RXFP1: variants seen among roughly 807,000 people sequenced by gnomAD.
The protein encoded by RXFP1 is relaxin family peptide receptor 1.
RXFP1 carries 73 observed loss-of-function variants against 89.8 expected under a neutral mutation model. That is an observed-to-expected ratio of 0.81 (90% confidence interval 0.67 to 0.99). The LOEUF (loss-of-function observed/expected upper bound fraction) is 0.99. RXFP1 is among the 50% of genes least tolerant of loss of function. The pLI is 0.00. For missense variants in RXFP1, 793 were observed against 895.5 expected, an observed-to-expected ratio of 0.89 and a Z score of 1.46; for synonymous variants, 277 against 305.5, an observed-to-expected ratio of 0.91 and a Z score of 0.97.
Position 158,647,150 on chromosome 4 carries a change from G to A in RXFP1, c.1705G>A (p.Glu569Lys). ...TNGVCFPLHS[E>K]DTESIGAQIY... ...TGGAGTATGCTTCCCTCTTCATTCAGAAGATACAGAAAGTATTGGAGCCCA... is the reference window on the plus strand; with the variant it reads ...TGGAGTATGCTTCCCTCTTCATTCAAAAGATACAGAAAGTATTGGAGCCCA... The change falls in exon 16 of 18, where the codon GAA (glutamate) becomes AAA (lysine). Residue 569 changes from glutamate (E) to lysine (K), a missense_variant. Physicochemically the swap from Glu to Lys is moderately conservative, Grantham distance 56. Transcript: ENST00000307765. 1 of 1,611,556 alleles carries A rather than the reference G, an allele frequency of 6.2e-7. No homozygotes were observed. Among genetic ancestry groups the A allele is most frequent in the Non-Finnish European group, 8.5e-7 (1 of 1,179,138 alleles).
rs186963412 is a variant in RXFP1 at position 158,590,235 on chromosome 4, G to A, written c.188-3166G>A. On this transcript the variant is annotated intron_variant, in intron 2 of 17. Transcript: ENST00000307765. Reference sequence around the variant, plus strand: ...GGCTGGAGTGCAGTGTGCAATCTCGGCTCACTGCAACCTCTGCCCCACAAG... The same window carrying A: ...GGCTGGAGTGCAGTGTGCAATCTCGACTCACTGCAACCTCTGCCCCACAAG... 5.3e-5 allele frequency among the ~76,000 whole-genome samples: 8 copies of A among 152,206 alleles called. No homozygotes were observed. The East Asian group carries it at 1.4e-3, about 26-fold the overall frequency.
At chr4:158,577,828 C>T (rs917405638) in intron 2 of RXFP1, among the ~76,000 whole-genome samples, 3 of 152,130 alleles carry the variant, frequency 2.0e-5, no homozygotes, top group African/African-American at 7.2e-5. Flanking sequence ...TGTGTTATCG[C>T]AGGCACTTTA....
chr4:158,554,274 CAG>C (rs1750784873), intron 1 of RXFP1, among the ~76,000 whole-genome samples: 1 of 152,232 alleles, frequency 6.6e-6, no homozygotes, highest in Admixed American at 6.5e-5. Context: ...TAAATAACGT[CAG>C]AGTTTTTTTT....
At chr4:158,597,783 C>A (rs907412243) in intron 3 of RXFP1, among the ~76,000 whole-genome samples, 1 of 152,152 alleles carries the variant, frequency 6.6e-6, no homozygotes, top group South Asian at 2.1e-4. Context: ...TTCTCAGGAC[C>A]TTTCTTCCTT....
chr4:158,547,060 C>T (rs1384680591), intron 1 of RXFP1, among the ~76,000 whole-genome samples: 1 of 152,146 alleles, frequency 6.6e-6, no homozygotes, highest in Non-Finnish European at 1.5e-5. Flanking sequence ...TAGAATTCGG[C>T]TGTGAATCCA....
At chr4:158,597,113 G>T (rs868805478) in intron 3 of RXFP1, among the ~76,000 whole-genome samples, 11 of 152,118 alleles carry the variant, frequency 7.2e-5, no homozygotes, top group African/African-American at 2.7e-4. Flanking sequence ...AAATAGAATG[G>T]CAAGTGTAGT....
chr4:158,544,130 T>C, intron 1 of RXFP1: 1 of 981,040 alleles, frequency 1.0e-6, no homozygotes, highest in Non-Finnish European at 1.2e-6. Context: ...TTCCTAAATA[T>C]AAATGAAGGA....
chr4:158,626,140 A>ATAGATAGATAGATAGATAGTTAGT (rs1554019501), intron 9 of RXFP1, among the ~76,000 whole-genome samples: 1 of 147,232 alleles, frequency 6.8e-6, no homozygotes, highest in African/African-American at 2.6e-5. Context: ...AGATAGATAG[A>ATAGATAGATAGATAGATAGTTAGT]TAGATAGATA....
chr4:158,649,508 G>C (rs919218957), intron 17 of RXFP1, among the ~76,000 whole-genome samples: 1 of 152,182 alleles, frequency 6.6e-6, no homozygotes, highest in Admixed American at 6.5e-5. Flanking sequence ...CACTTTGGGA[G>C]GCCAATGTGG....
intron 6 of RXFP1, among the ~76,000 whole-genome samples, chr4:158,608,279 CTTTTTTTTTTTTTTTTT>C (rs756131500): frequency 1.3e-5 from 1 of 76,102 alleles, no homozygotes; most frequent in Non-Finnish European, 2.4e-5. Flanking sequence ...GTATTCCTTT[CTTTTTTTTTTTTTTTTT>C]TTTTTTTTTT....
chr4:158,640,539 GCT>G (rs1181432986), intron 14 of RXFP1, among the ~76,000 whole-genome samples: 1 of 152,102 alleles, frequency 6.6e-6, no homozygotes, highest in African/African-American at 2.4e-5. Context: ...GGAGGTGCCA[GCT>G]CTTTTTAACA....
chr4:158,572,838 G>A lies in RXFP1; in HGVS notation c.187+3G>A, dbSNP rs750932337. 1.6e-5 allele frequency: 26 copies of A among 1,613,946 alleles called. No individual in the cohort carries two copies. The highest frequency in any genetic ancestry group is 2.2e-5 in the Non-Finnish European group (26 of 1,179,958). On this transcript the variant is annotated splice_donor_region_variant and intron_variant, in intron 2 of 17. Coordinates refer to ENST00000307765, the MANE Select transcript of RXFP1 (RefSeq NM_021634.4). ...TCAGGCCGATGAGGACAACTGTGGT[G>A]AGTGAAGCCCCTGCAGTCACGGTGA...
chr4:158,542,081 A>ATG (rs1261212119), intron 1 of RXFP1, among the ~76,000 whole-genome samples: 161 of 14,100 alleles, frequency 0.011, no homozygotes, highest in Non-Finnish European at 0.025. Flanking sequence ...CACCATGGCT[A>ATG]TATATATATA....
Position 158,647,199 on chromosome 4 carries a change from T to G in RXFP1, c.1754T>G (p.Leu585Arg). 1 of 1,558,220 alleles carries G rather than the reference T, an allele frequency of 6.4e-7. No homozygotes were observed. The highest frequency in any genetic ancestry group is 8.6e-7 in the Non-Finnish European group (1 of 1,156,360). The stretch of plus-strand genomic sequence containing the variant: ...CAGATTTATTCAGTGGCAATTTTTC[T>G]TGGTAAGAAACTAAGAAACTAATGT... Reference protein sequence around the residue: ...GAQIYSVAIFLGINLAAFIII... With the variant: ...GAQIYSVAIFRGINLAAFIII... Residue 585 changes from leucine to arginine, a missense_variant and splice_region_variant, in exon 16 of 18, where the codon CTT becomes CGT. Physicochemically the swap from Leu to Arg is moderately radical, Grantham distance 102. Coordinates refer to ENST00000307765, the MANE Select transcript of RXFP1 (RefSeq NM_021634.4).
At chr4:158,627,532 TG>T (rs1767127798) in intron 10 of RXFP1, among the ~76,000 whole-genome samples, 1 of 151,722 alleles carries the variant, frequency 6.6e-6, no homozygotes, top group African/African-American at 2.4e-5. Flanking sequence ...TGTGTGTGTG[TG>T]TGTGTGTGTG....
At chr4:158,560,867 G>A (rs1752287755) in intron 1 of RXFP1, among the ~76,000 whole-genome samples, 1 of 152,182 alleles carries the variant, frequency 6.6e-6, no homozygotes, top group Non-Finnish European at 1.5e-5. Context: ...GTGCCCCTTA[G>A]ACACCAAGAA....
chr4:158,590,450 G>A (rs577704835), intron 2 of RXFP1, among the ~76,000 whole-genome samples: 8 of 152,258 alleles, frequency 5.3e-5, no homozygotes, highest in East Asian at 3.9e-4. Context: ...ATGAGCCACC[G>A]TGCCCAGCTG....
intron 2 of RXFP1, among the ~76,000 whole-genome samples, chr4:158,574,763 A>G (rs987394758): frequency 1.3e-5 from 2 of 152,126 alleles, no homozygotes; most frequent in African/African-American, 4.8e-5. Flanking sequence ...TATTTTTGCC[A>G]CTTCTTAGTT....
At chr4:158,573,887 A>T (rs539542681) in intron 2 of RXFP1, among the ~76,000 whole-genome samples, 2 of 152,298 alleles carry the variant, frequency 1.3e-5, no homozygotes, top group South Asian at 2.1e-4. Context: ...CAGGTGTTGG[A>T]TGCTGTTGCC....
Sources: gnomAD v4.1 joint callset for allele counts (sites outside exome capture counted in the v4.1 genomes callset) on GRCh38, gnomAD v4.1.1 for gene constraint, MANE v1.5 for transcripts, NCBI Gene and HGNC (gene_info 2026-07-23, HGNC 2026-07-21) for gene names.